The following TNS3 variants were observed in gnomAD, a reference collection of about 807,000 sequenced individuals.
TNS3 encodes the protein tensin-3.
TNS3 carries 45 observed loss-of-function variants against 140.9 expected under a neutral mutation model. The observed-to-expected ratio is 0.32, with a 90% CI of 0.25 to 0.41. The LOEUF (loss-of-function observed/expected upper bound fraction) is 0.41. Among genes scored for constraint, TNS3 ranks in the 10% least tolerant of loss-of-function variants. The pLI, the probability that TNS3 is intolerant of heterozygous loss-of-function variation, is 1.00. For missense variants in TNS3, 1,716 were observed against 1,906.7 expected (o/e 0.90, Z 1.86); for synonymous variants, 815 against 788.4 (o/e 1.03, Z -0.56).
intron 17 of TNS3, among the ~76,000 whole-genome samples, chr7:47,358,583 G>A (rs1342229452): frequency 1.3e-5 from 2 of 152,108 alleles, no homozygotes; most frequent in East Asian, 3.9e-4. Context: ...GGGGAGCGAC[G>A]CAGCCGGTGA....
intron 3 of TNS3, among the ~76,000 whole-genome samples, chr7:47,486,103 T>C (rs138997976): frequency 4.6e-5 from 7 of 152,062 alleles, no homozygotes; most frequent in Non-Finnish European, 1.0e-4. Context: ...GTGGTGTCTG[T>C]GTTTGACTAG....
chr7:47,447,547 C>T (rs750032084), intron 4 of TNS3, among the ~76,000 whole-genome samples: 3 of 152,094 alleles, frequency 2.0e-5, no homozygotes, highest in East Asian at 1.9e-4. Context: ...CAGGACTGTG[C>T]GCTCATGTCC....
chr7:47,334,605 CTT>C (rs386410072), intron 20 of TNS3, among the ~76,000 whole-genome samples: 4 of 118,744 alleles, frequency 3.4e-5, no homozygotes, highest in African/African-American at 3.2e-5. Context: ...AACCACGACT[CTT>C]TTTTTTTTTT....
At chr7:47,322,670 A>G (rs949603336) in intron 20 of TNS3, among the ~76,000 whole-genome samples, 1 of 152,222 alleles carries the variant, frequency 6.6e-6, no homozygotes, top group Non-Finnish European at 1.5e-5. Flanking sequence ...TATGACGAAC[A>G]TAAAACTGAG....
Position 47,442,022 on chromosome 7 carries a change from A to T in TNS3, c.-42T>A. On this transcript the variant is annotated 5_prime_UTR_variant, in exon 5 of 31. Transcript: ENST00000311160. ...ACTCACCGCAGAGGTTTATCACGGC[A>T]GAGAGAACTGGACAGCGTGGAACTC... 7 of 1,289,898 alleles carry T rather than the reference A, an allele frequency of 5.4e-6. No homozygotes were observed. Among genetic ancestry groups the T allele is most frequent in the Non-Finnish European group, 7.1e-6 (7 of 988,880 alleles). The allele number at this position is 1,289,898 out of a possible 1,614,324, so 79.9% of individuals were successfully genotyped here. A position where few individuals can be genotyped will look rare whatever the true frequency, so the allele number is the denominator to read the frequency against.
chr7:47,547,907 A>G (rs1799964681), intron 1 of TNS3, among the ~76,000 whole-genome samples: 4 of 152,124 alleles, frequency 2.6e-5, no homozygotes, highest in South Asian at 4.2e-4. Context: ...CCTGGCTCTC[A>G]TTCTCCAACT....
chr7:47,361,206 C>CAGAAAAAAAAAAAAAAAAAAAAAA (rs1790298446), intron 17 of TNS3, among the ~76,000 whole-genome samples: 1 of 47,154 alleles, frequency 2.1e-5, no homozygotes, highest in Non-Finnish European at 4.6e-5. Flanking sequence ...GTAACCATGC[C>CAGAAAAAAAAAAAAAAAAAAAAAA]AAAAAAAAAA....
chr7:47,379,633 T>C (rs557767140), intron 16 of TNS3, among the ~76,000 whole-genome samples: 19 of 152,334 alleles, frequency 1.2e-4, no homozygotes, highest in South Asian at 4.1e-4. Flanking sequence ...TAATAAACTC[T>C]ACTCTGTAGG....
At chr7:47,483,778 T>TCTCA (rs1180572158) in intron 3 of TNS3, among the ~76,000 whole-genome samples, 1 of 152,152 alleles carries the variant, frequency 6.6e-6, no homozygotes, top group African/African-American at 2.4e-5. Flanking sequence ...CCGAGTCCCA[T>TCTCA]CTCACCCCAG....
intron 2 of TNS3, among the ~76,000 whole-genome samples, chr7:47,524,284 G>A (rs1799097823): frequency 1.3e-5 from 2 of 152,216 alleles, no homozygotes; most frequent in African/African-American, 4.8e-5. Flanking sequence ...TTTTAGGGTT[G>A]AGAAAATGGG....
intron 20 of TNS3, among the ~76,000 whole-genome samples, chr7:47,311,453 TAGAG>T (rs899447132): frequency 2.5e-4 from 37 of 149,658 alleles, no homozygotes; most frequent in African/African-American, 5.7e-4. Flanking sequence ...CATATATATA[TAGAG>T]AGAGAGAGAG....
intron 20 of TNS3, among the ~76,000 whole-genome samples, chr7:47,342,615 A>T (rs1283342972): frequency 6.6e-6 from 1 of 152,256 alleles, no homozygotes; most frequent in Non-Finnish European, 1.5e-5. Flanking sequence ...TCAGCCCTGT[A>T]TAATCTGCCC....
chr7:47,437,996 C>T (rs1397449915), intron 6 of TNS3, among the ~76,000 whole-genome samples: 2 of 150,312 alleles, frequency 1.3e-5, no homozygotes, highest in East Asian at 3.9e-4. Context: ...AAAATCACAG[C>T]CATTTGTGGA....
At chr7:47,377,449 T>C (rs1316532419) in intron 16 of TNS3, among the ~76,000 whole-genome samples, 2 of 151,698 alleles carry the variant, frequency 1.3e-5, no homozygotes, top group Non-Finnish European at 2.9e-5. Context: ...AGGAGAAGAG[T>C]GGGGCTGCAA....
intron 3 of TNS3, among the ~76,000 whole-genome samples, chr7:47,483,496 A>C (rs1277813730): frequency 6.6e-6 from 1 of 152,220 alleles, no homozygotes; most frequent in Admixed American, 6.5e-5. Context: ...TATAAATCTA[A>C]AACTCTCTTA....
At chr7:47,296,887 A>G (rs1786057204) in intron 24 of TNS3, among the ~76,000 whole-genome samples, 195 bp downstream of exon 24, 1 of 152,258 alleles carries the variant, frequency 6.6e-6, no homozygotes, top group Non-Finnish European at 1.5e-5. Flanking sequence ...AAAACAATAG[A>G]AAATAAAATT....
intron 20 of TNS3, among the ~76,000 whole-genome samples, chr7:47,310,482 T>C (rs1334785902): frequency 6.6e-6 from 1 of 152,068 alleles, no homozygotes; most frequent in Non-Finnish European, 1.5e-5. Flanking sequence ...CTAAAGAACA[T>C]GCCTCCCCCA....
At chr7:47,468,218 A>C (rs10270829) in intron 4 of TNS3, among the ~76,000 whole-genome samples, 75,892 of 151,888 alleles carry the variant, frequency 0.5, 20,536 homozygotes, top group East Asian at 0.67. Flanking sequence ...GGCAGGCAGA[A>C]TTACCTGAGG....
chr7:47,565,260 G>T (rs1469216590), intron 1 of TNS3, among the ~76,000 whole-genome samples: 1 of 151,374 alleles, frequency 6.6e-6, no homozygotes, highest in Admixed American at 6.6e-5. Flanking sequence ...TGTATTTTTA[G>T]TAGAGACGGG....
Sources: gnomAD v4.1 joint callset for allele counts (sites outside exome capture counted in the v4.1 genomes callset) on GRCh38, gnomAD v4.1.1 for gene constraint, MANE v1.5 for transcripts, NCBI Gene and HGNC (gene_info 2026-07-23, HGNC 2026-07-21) for gene names.